Variants in RALYL observed in about 807,000 individuals in gnomAD.
RALYL encodes the protein RNA-binding Raly-like protein.
Under a neutral mutation model 35.1 loss-of-function variants are expected in RALYL, and 29 were observed. The observed-to-expected ratio is 0.83, with a 90% CI of 0.61 to 1.13. The LOEUF is 1.13. Among genes scored for constraint, RALYL ranks in the 50% most tolerant of loss-of-function variants. The pLI is 0.00. For missense variants in RALYL, 359 were observed against 360.4 expected, an observed-to-expected ratio of 1.00 and a Z score of 0.03; for synonymous variants, 120 against 127.6, an observed-to-expected ratio of 0.94 and a Z score of 0.40.
chr8:84,800,188 A>G (rs888239768), intron 3 of RALYL, among the ~76,000 whole-genome samples: 1 of 152,190 alleles, frequency 6.6e-6, no homozygotes, highest in Non-Finnish European at 1.5e-5. Context: ...CAGTACCTTG[A>G]GGCACATGTA....
chr8:84,360,029 C>A (rs367950240), intron 1 of RALYL, among the ~76,000 whole-genome samples: 1 of 151,848 alleles, frequency 6.6e-6, no homozygotes, highest in East Asian at 1.9e-4. Context: ...TGCACCAGCA[C>A]GCCTGGCTAA....
At chr8:84,264,291 T>C (rs1271985751) in intron 1 of RALYL, among the ~76,000 whole-genome samples, 2 of 152,186 alleles carry the variant, frequency 1.3e-5, no homozygotes, top group Non-Finnish European at 2.9e-5. Context: ...TTCTTGGCTT[T>C]TTAATAATGG....
At chr8:84,241,204 A>G (rs13281165) in intron 1 of RALYL, among the ~76,000 whole-genome samples, 48,636 of 152,020 alleles carry the variant, frequency 0.32, 9,083 homozygotes, top group South Asian at 0.5. Flanking sequence ...ATTCATTCTG[A>G]TAAGTTTATG....
chr8:84,208,196 A>G (rs1053890673), intron 1 of RALYL, among the ~76,000 whole-genome samples: 6 of 152,180 alleles, frequency 3.9e-5, no homozygotes, highest in Admixed American at 3.9e-4. Context: ...TAGAGTATTA[A>G]ATTGTGAAAT....
chr8:84,202,346 A>G (rs1419216903), intron 1 of RALYL, among the ~76,000 whole-genome samples: 1 of 149,002 alleles, frequency 6.7e-6, no homozygotes, highest in Non-Finnish European at 1.5e-5. Flanking sequence ...ATGTATAAGT[A>G]TTATATGATC....
intron 1 of RALYL, among the ~76,000 whole-genome samples, chr8:84,345,184 C>G (rs545485447): frequency 4.8e-4 from 72 of 151,238 alleles, no homozygotes; most frequent in Non-Finnish European, 9.1e-4. Context: ...TGCAAGGGTT[C>G]CCTTTCTTTA....
At chr8:84,670,614 T>G (rs1233764482) in intron 2 of RALYL, among the ~76,000 whole-genome samples, 1 of 152,200 alleles carries the variant, frequency 6.6e-6, no homozygotes, top group Non-Finnish European at 1.5e-5. Flanking sequence ...AGCAAAGCTA[T>G]GTTTTACATG....
intron 1 of RALYL, among the ~76,000 whole-genome samples, chr8:84,397,900 T>C (rs1487074597): frequency 6.6e-6 from 1 of 152,212 alleles, no homozygotes; most frequent in Admixed American, 6.5e-5. Flanking sequence ...TTCTTTGCCA[T>C]TAGTTTTGAA....
intron 1 of RALYL, among the ~76,000 whole-genome samples, chr8:84,361,441 G>C (rs1470723214): frequency 6.6e-6 from 1 of 152,186 alleles, no homozygotes; most frequent in African/African-American, 2.4e-5. Context: ...AAATTGTACA[G>C]AGAAGAAACT....
intron 2 of RALYL, among the ~76,000 whole-genome samples, chr8:84,730,537 C>G (rs1845957380): frequency 6.6e-6 from 1 of 151,934 alleles, no homozygotes; most frequent in African/African-American, 2.4e-5. Flanking sequence ...CTGGCCAGGA[C>G]AATTAGGCAG....
At chr8:84,558,750 G>A (rs776918609) in intron 2 of RALYL, among the ~76,000 whole-genome samples, 1 of 152,122 alleles carries the variant, frequency 6.6e-6, no homozygotes, top group African/African-American at 2.4e-5. Context: ...CAATATGGAT[G>A]TAGTTTTTCA....
chr8:84,471,991 A>G (rs1028895855), intron 1 of RALYL, among the ~76,000 whole-genome samples: 2 of 152,168 alleles, frequency 1.3e-5, no homozygotes, highest in African/African-American at 4.8e-5. Context: ...TGTCTAGTAA[A>G]CAGAACTGCA....
chr8:84,497,498 T>A (rs995875174), intron 1 of RALYL, among the ~76,000 whole-genome samples: 6 of 152,148 alleles, frequency 3.9e-5, no homozygotes, highest in Middle Eastern at 3.2e-3. Flanking sequence ...CTTTCCACTT[T>A]TCATAATATG....
rs776412282 is a variant in RALYL at position 84,887,732 on chromosome 8, G to A, written c.814G>A (p.Asp272Asn). 6.2e-7 allele frequency: 1 copy of A among 1,613,920 alleles called. No individual in the cohort carries two copies. The highest frequency in any genetic ancestry group is 8.5e-7 in the Non-Finnish European group (1 of 1,179,814). ...GPDADGEEMT[D>N]GIEEDFDEDG... ...AGATGCCGATGGAGAAGAGATGACA[G>A]ATGGGATAGAGGAGGACTTCGATGA... is the stretch of plus-strand genomic sequence containing the variant. Residue 272 changes from aspartate to asparagine, a missense_variant, in exon 8 of 9, where the codon GAT (aspartate) becomes AAT (asparagine). Transcript: ENST00000521268.
intron 2 of RALYL, among the ~76,000 whole-genome samples, chr8:84,738,239 T>C (rs576072730): frequency 2.9e-4 from 44 of 151,600 alleles, no homozygotes; most frequent in Admixed American, 1.1e-3. Context: ...AGAGTAGGAA[T>C]TGGAAGGAAA....
chr8:84,413,127 ATAAT>A (rs1563877593), intron 1 of RALYL, among the ~76,000 whole-genome samples: 1 of 150,432 alleles, frequency 6.6e-6, no homozygotes, highest in South Asian at 2.1e-4. Context: ...AATTATATAC[ATAAT>A]TAATTTTTTT....
intron 4 of RALYL, among the ~76,000 whole-genome samples, chr8:84,841,864 G>T (rs1007174321): frequency 6.6e-5 from 10 of 152,184 alleles, no homozygotes; most frequent in African/African-American, 2.4e-4. Context: ...GCTCCTGAAT[G>T]ACTACTGGGT....
intron 1 of RALYL, among the ~76,000 whole-genome samples, chr8:84,295,251 G>A (rs61661019): frequency 0.046 from 7,037 of 152,100 alleles, 263 homozygotes; most frequent in African/African-American, 0.083. Flanking sequence ...AACTAAGACC[G>A]TTTGAAGCAG....
intron 1 of RALYL, among the ~76,000 whole-genome samples, chr8:84,321,090 AAAG>A (rs1395261022): frequency 2.0e-5 from 3 of 152,152 alleles, no homozygotes; most frequent in Non-Finnish European, 2.9e-5. Flanking sequence ...ATCGTAATAG[AAAG>A]AAGAAGAGAC....
Sources: gnomAD v4.1 joint callset for allele counts (sites outside exome capture counted in the v4.1 genomes callset) on GRCh38, gnomAD v4.1.1 for gene constraint, MANE v1.5 for transcripts, NCBI Gene and HGNC (gene_info 2026-07-23, HGNC 2026-07-21) for gene names.